PCDHA4: variants seen among roughly 807,000 people sequenced by gnomAD.
PCDHA4 encodes the protein protocadherin alpha-4.
A neutral mutation model predicts 61.4 loss-of-function variants in PCDHA4; 49 were observed. The ratio of observed to expected loss-of-function variants is 0.80; its 90% CI spans 0.63 to 1.01. The LOEUF (loss-of-function observed/expected upper bound fraction) is 1.01, where lower values mean the gene tolerates loss of function less well. Among genes scored for constraint, PCDHA4 ranks in the 50% least tolerant of loss-of-function variants. The probability of loss-of-function intolerance (pLI) is 0.00; values close to 1 mark genes in which losing one functional copy is unlikely to be tolerated. For synonymous variants in PCDHA4, 590 were observed against 550.3 expected, an observed-to-expected ratio of 1.07 and a Z score of -1.01; for missense variants, 1,254 against 1,235.8, an observed-to-expected ratio of 1.01 and a Z score of -0.22.
intron 3 of PCDHA4, among the ~76,000 whole-genome samples, chr5:140,989,886 C>T (rs954644773): frequency 1.3e-5 from 2 of 151,784 alleles, no homozygotes. Flanking sequence ...CACTTGGAGT[C>T]TCCGTTATTC....
chr5:140,854,474 G>A (rs2043136313), intron 1 of PCDHA4: 1 of 149,900 alleles, frequency 6.7e-6, no homozygotes, highest in Non-Finnish European at 1.5e-5. Context: ...GAGTAGAGAA[G>A]TATAGAAACA....
rs2150153657 is a variant in PCDHA4, at chr5:140,828,287, A to G, written c.2385+18715A>G. 17 of 1,613,924 alleles carry G rather than the reference A, an allele frequency of 1.1e-5. No homozygotes were observed. The highest frequency in any genetic ancestry group is 4.5e-5 in the East Asian group (2 of 44,896). On this transcript the variant is annotated intron_variant, in intron 1 of 3. Coordinates refer to ENST00000530339, the MANE Select transcript of PCDHA4 (RefSeq NM_018907.4). ...GGAGCTGGTGCCGCGCCTGTTCAGG[A>G]TGGCCTCCAAAGACCGCGAGGACCT... is the stretch of plus-strand genomic sequence containing the variant.
rs2150122177 is a variant in PCDHA4, at chr5:140,823,092, C to A, written c.2385+13520C>A. ...CGCCTTCGCTGTGGGCCACCGCCAG[C>A]GTGTCTGTGGAAGTGGCCGACGTGA... On this transcript the variant is annotated intron_variant, in intron 1 of 3. Coordinates refer to ENST00000530339, the MANE Select transcript of PCDHA4 (RefSeq NM_018907.4). 4.3e-6 allele frequency: 7 copies of A among 1,613,906 alleles called. No individual in the cohort carries two copies. The African/African-American group carries it at 8.0e-5, about 18-fold the overall frequency.
At chr5:140,836,843 A>G (rs1774773753) in intron 1 of PCDHA4, 2 of 826,772 alleles carry the variant, frequency 2.4e-6, no homozygotes, top group Admixed American at 6.3e-5. Context: ...AGCTTTATGT[A>G]TAATTATTAT....
intron 1 of PCDHA4, chr5:140,816,772 C>T (rs1554127126): frequency 6.6e-6 from 1 of 151,970 alleles, no homozygotes; most frequent in Non-Finnish European, 1.5e-5. Flanking sequence ...TGTATAATTC[C>T]TAATTAGAGG....
intron 1 of PCDHA4, among the ~76,000 whole-genome samples, chr5:140,923,261 A>C (rs570487869): frequency 6.6e-6 from 1 of 152,322 alleles, no homozygotes; most frequent in East Asian, 1.9e-4. Flanking sequence ...CAACATAGTG[A>C]GACCTTGTCT....
intron 1 of PCDHA4, among the ~76,000 whole-genome samples, chr5:140,902,516 G>C (rs1410717975): frequency 6.6e-6 from 1 of 151,990 alleles, no homozygotes; most frequent in Non-Finnish European, 1.5e-5. Context: ...GTCATATATG[G>C]TTTTTATTAT....
At chr5:140,919,488 T>C (rs149191060) in intron 1 of PCDHA4, among the ~76,000 whole-genome samples, 58 of 152,320 alleles carry the variant, frequency 3.8e-4, no homozygotes, top group African/African-American at 1.3e-3. Context: ...TTTATGTTTG[T>C]TATTTTACTC....
intron 1 of PCDHA4, among the ~76,000 whole-genome samples, chr5:140,921,757 T>C (rs1361449960): frequency 6.6e-6 from 1 of 152,122 alleles, no homozygotes; most frequent in Non-Finnish European, 1.5e-5. Context: ...GGACACTTCT[T>C]GGCTACTATT....
rs1436927101 is a variant in PCDHA4 at position 140,886,292 on chromosome 5, T to A, written c.2385+76720T>A. Reference sequence around the variant, plus strand: ...AAATTTTTTAAAATTATTTTTATATTTATTTATTTTTTATTACACTTTAAG... The same window carrying A: ...AAATTTTTTAAAATTATTTTTATATATATTTATTTTTTATTACACTTTAAG... On this transcript the variant is annotated intron_variant, in intron 1 of 3. Coordinates refer to ENST00000530339, the MANE Select transcript of PCDHA4 (RefSeq NM_018907.4). 5.3e-5 allele frequency among the ~76,000 whole-genome samples: 8 copies of A among 152,090 alleles called. No homozygotes were observed. In the East Asian group the frequency reaches 1.3e-3, roughly 26 times the overall value.
chr5:140,919,136 G>T (rs1340753916), intron 1 of PCDHA4, among the ~76,000 whole-genome samples: 5 of 152,064 alleles, frequency 3.3e-5, no homozygotes, highest in African/African-American at 1.2e-4. Context: ...GTGTTTTGGG[G>T]CTCTATTATT....
intron 1 of PCDHA4, among the ~76,000 whole-genome samples, chr5:140,949,542 T>G (rs1418281515): frequency 6.6e-6 from 1 of 151,916 alleles, no homozygotes; most frequent in East Asian, 1.9e-4. Context: ...AATATCGATT[T>G]GTTGCTGGTC....
intron 1 of PCDHA4, chr5:140,830,124 C>A (rs1490985098): frequency 9.3e-6 from 15 of 1,613,462 alleles, no homozygotes; most frequent in Non-Finnish European, 1.3e-5. Flanking sequence ...GCTCCAAAGG[C>A]GTCATCACGG....
intron 1 of PCDHA4, among the ~76,000 whole-genome samples, chr5:140,950,908 T>G (rs1259421351): frequency 6.6e-6 from 1 of 152,072 alleles, no homozygotes; most frequent in Non-Finnish European, 1.5e-5. Flanking sequence ...TTTATTTTTA[T>G]TTTATTTCAG....
chr5:140,874,745 A>G (rs2055087824), intron 1 of PCDHA4, among the ~76,000 whole-genome samples: 2 of 152,242 alleles, frequency 1.3e-5, no homozygotes, highest in African/African-American at 4.8e-5. Flanking sequence ...GCATCAAGGA[A>G]CCAAACAATA....
rs140143150 is a variant in PCDHA4 at position 140,828,784 on chromosome 5, A to C, written c.2385+19212A>C. On this transcript the variant is annotated intron_variant, in intron 1 of 3. Coordinates refer to ENST00000530339, the MANE Select transcript of PCDHA4 (RefSeq NM_018907.4). Reference sequence around the variant, plus strand: ...CAGGCACTGTTCAGCTGCTGGTCACAGTGCTGGATGTGAATGATAATGCTC... The same window carrying C: ...CAGGCACTGTTCAGCTGCTGGTCACCGTGCTGGATGTGAATGATAATGCTC... 6.8e-4 allele frequency: 1,103 copies of C among 1,614,228 alleles called. 2 individuals carry two copies. Among genetic ancestry groups the C allele is most frequent in the Non-Finnish European group, 4.9e-4 (579 of 1,180,028 alleles).
In PCDHA4 at chr5:140,850,578, G is replaced by A. The variant is rs1554144523; in HGVS notation, c.2385+41006G>A. ...CACGGGCCCCGAGGTGACGCTGGTG[G>A]ATGTCAACGTGTACCTGATCATCGC... On this transcript the variant is annotated intron_variant, in intron 1 of 3. Transcript: ENST00000530339. 1.4e-5 allele frequency: 23 copies of A among 1,598,460 alleles called. 2 individuals carry two copies. Among genetic ancestry groups the A allele is most frequent in the Non-Finnish European group, 2.0e-5 (23 of 1,167,876 alleles).
chr5:140,869,102 C>G, intron 1 of PCDHA4: 1 of 1,598,758 alleles, frequency 6.3e-7, no homozygotes, highest in Non-Finnish European at 8.5e-7. Context: ...ATTTCGTATG[C>G]GATGTTTGGT....
chr5:140,808,913 G>A lies in PCDHA4; in HGVS notation c.1726G>A (p.Ala576Thr). 6.2e-7 allele frequency: 1 copy of A among 1,613,560 alleles called. No individual in the cohort carries two copies. The highest frequency in any genetic ancestry group is 8.5e-7 in the Non-Finnish European group (1 of 1,179,840). The change falls in exon 1 of 4, where the codon GCA becomes ACA. Residue 576 changes from alanine (A) to threonine (T), a missense_variant. Ala to Thr is a moderately conservative substitution (Grantham distance 58). Coordinates refer to ENST00000530339, the MANE Select transcript of PCDHA4 (RefSeq NM_018907.4). ...GCCTCGGGCGGGTGGCACTGGTGGC[G>A]CAGTGAGCGAGCTGGTGCCATGGTC... ...LAPRAGGTGG[A>T]VSELVPWSVG...
Sources: gnomAD v4.1 joint callset for allele counts (sites outside exome capture counted in the v4.1 genomes callset) on GRCh38, gnomAD v4.1.1 for gene constraint, MANE v1.5 for transcripts, NCBI Gene and HGNC (gene_info 2026-07-23, HGNC 2026-07-21) for gene names.